The following PTPN12 variants were observed in gnomAD, a reference collection of about 807,000 sequenced individuals.
PTPN12 encodes protein tyrosine phosphatase non-receptor type 12.
Under a neutral mutation model 97.6 loss-of-function variants are expected in PTPN12, and 29 were observed. That is an observed-to-expected ratio of 0.30 (90% CI 0.22 to 0.41). PTPN12 has a LOEUF of 0.41. PTPN12 is among the 10% of genes least tolerant of loss of function. The pLI, the probability that PTPN12 is intolerant of heterozygous loss-of-function variation, is 1.00. For synonymous variants in PTPN12, 327 were observed against 300.4 expected (o/e 1.09, Z -0.91); for missense variants, 819 against 926.0 (o/e 0.88, Z 1.50).
At chr7:77,616,194 A>G (rs916458979) in intron 11 of PTPN12, among the ~76,000 whole-genome samples, 1 of 152,154 alleles carries the variant, frequency 6.6e-6, no homozygotes, top group Non-Finnish European at 1.5e-5. Context: ...TTTTTTGTCA[A>G]AATCTTACCA....
chr7:77,603,443 G>A (rs1189312948), intron 8 of PTPN12, among the ~76,000 whole-genome samples: 2 of 152,148 alleles, frequency 1.3e-5, no homozygotes, highest in East Asian at 3.8e-4. Context: ...GTTAAAACTC[G>A]AGAATGTGTC....
At chr7:77,625,361 C>T (rs1280487206) in intron 12 of PTPN12, among the ~76,000 whole-genome samples, 1 of 150,804 alleles carries the variant, frequency 6.6e-6, no homozygotes, top group East Asian at 2.0e-4. Context: ...AGGTGATCCT[C>T]CTACCTCAGC....
intron 1 of PTPN12, among the ~76,000 whole-genome samples, chr7:77,547,173 C>T (rs1459783301): frequency 6.6e-6 from 1 of 152,220 alleles, no homozygotes; most frequent in East Asian, 1.9e-4. Flanking sequence ...TCCATGGTCT[C>T]TATCATTTAT....
chr7:77,627,868 C>T (rs1385497363), intron 13 of PTPN12, among the ~76,000 whole-genome samples, 193 bp downstream of exon 13: 3 of 152,072 alleles, frequency 2.0e-5, no homozygotes. Flanking sequence ...CATTATATTA[C>T]TGGGTTTTGT....
chr7:77,637,000 TA>T lies in PTPN12; in HGVS notation c.2143-15del. On this transcript the variant is annotated splice_polypyrimidine_tract_variant and intron_variant, in intron 15 of 17. Coordinates refer to ENST00000248594, the MANE Select transcript of PTPN12 (RefSeq NM_002835.4). ...AAAATGAATGTATTGTAATAGGTAT[TA>T]AATGTCTTCCTCGTAGGGCTTGATA... 1 of 1,596,562 alleles carries T rather than the reference TA, an allele frequency of 6.3e-7. No homozygotes were observed. The highest frequency in any genetic ancestry group is 2.2e-5 in the East Asian group (1 of 44,588).
intron 2 of PTPN12, among the ~76,000 whole-genome samples, chr7:77,576,089 C>T (rs1446263363): frequency 2.0e-5 from 3 of 152,136 alleles, no homozygotes; most frequent in African/African-American, 4.8e-5. Context: ...CTCCTGACCT[C>T]GTGATCCGCC....
In PTPN12 at chr7:77,573,663, T is replaced by C; in HGVS notation, c.208+2477T>C. On this transcript the variant is annotated intron_variant, in intron 2 of 17. Coordinates refer to ENST00000248594, the MANE Select transcript of PTPN12 (RefSeq NM_002835.4). ...AAGATAATTTTAAGGTGATCCTACA[T>C]TGCTCTGGAATTATTCATGCACACA... 1.3e-5 allele frequency among the ~76,000 whole-genome samples: 2 copies of C among 152,212 alleles called. 1 individual carries two copies. Among genetic ancestry groups the C allele is most frequent in the African/African-American group, 4.8e-5 (2 of 41,446 alleles).
intron 2 of PTPN12, among the ~76,000 whole-genome samples, chr7:77,577,510 C>T (rs1000804589): frequency 2.0e-5 from 3 of 152,038 alleles, no homozygotes; most frequent in Non-Finnish European, 4.4e-5. Context: ...TGTCACACCT[C>T]TGAAGACTGC....
At chr7:77,562,829 T>G (rs902439532) in intron 1 of PTPN12, among the ~76,000 whole-genome samples, 7 of 152,166 alleles carry the variant, frequency 4.6e-5, no homozygotes, top group Admixed American at 1.3e-4. Flanking sequence ...TCAAGTGGTA[T>G]TCTACTTTTA....
At chr7:77,599,251 C>A (rs1052443898) in intron 7 of PTPN12, among the ~76,000 whole-genome samples, 2 of 150,928 alleles carry the variant, frequency 1.3e-5, no homozygotes, top group South Asian at 2.1e-4. Context: ...AGAAAAGTCA[C>A]TATCAAAGCT....
At chr7:77,558,285 A>G (rs1321800012) in intron 1 of PTPN12, among the ~76,000 whole-genome samples, 2 of 152,092 alleles carry the variant, frequency 1.3e-5, no homozygotes, top group African/African-American at 4.8e-5. Flanking sequence ...TAGTGTTTCT[A>G]GGTCCATTAA....
At position 77,618,580 on chromosome 7, in the gene PTPN12, C is replaced by T. The variant is rs369787091; in HGVS notation, c.1025+15C>T. 26 of 1,537,078 alleles carry T rather than the reference C, an allele frequency of 1.7e-5. No individual in the cohort carries two copies. Among genetic ancestry groups the T allele is most frequent in the African/African-American group, 5.5e-5 (4 of 72,786 alleles). ...AGGACCCGCAGGTATTGTATGTCTT[C>T]GAACATTTTCTTTAAAAGCATACTT... On this transcript the variant is annotated intron_variant, in intron 12 of 17. Transcript: ENST00000248594.
chr7:77,552,426 A>G (rs1013260054), intron 1 of PTPN12, among the ~76,000 whole-genome samples: 1 of 152,084 alleles, frequency 6.6e-6, no homozygotes, highest in Admixed American at 6.5e-5. Context: ...TCTCAGCATC[A>G]TATGTATGAT....
At chr7:77,616,805 C>T (rs559530547) in intron 11 of PTPN12, among the ~76,000 whole-genome samples, 5 of 151,576 alleles carry the variant, frequency 3.3e-5, no homozygotes, top group South Asian at 4.2e-4. Context: ...TTTTTTGAGA[C>T]GGAGTCTTGC....
rs989743858 is a variant in PTPN12 at position 77,603,171 on chromosome 7, TA to T, written c.695+2370del. Among the ~76,000 whole-genome samples the T allele has an allele frequency of 3.2e-4, 48 of 152,148 alleles. 1 individual carries two copies. The highest frequency in any genetic ancestry group is 1.2e-4 in the Non-Finnish European group (8 of 68,028). Reference sequence around the variant, plus strand: ...ATTTAATTAAGTAGGATTGACCAGTTAAAAATAAACAATATGTTTAATTATA... The same window carrying T: ...ATTTAATTAAGTAGGATTGACCAGTTAAAATAAACAATATGTTTAATTATA... On this transcript the variant is annotated intron_variant, in intron 8 of 17. Coordinates refer to ENST00000248594, the MANE Select transcript of PTPN12 (RefSeq NM_002835.4).
At chr7:77,628,378 A>T (rs1789277185) in intron 13 of PTPN12, among the ~76,000 whole-genome samples, 1 of 152,184 alleles carries the variant, frequency 6.6e-6, no homozygotes, top group African/African-American at 2.4e-5. Flanking sequence ...TGATCTGCTG[A>T]AAGTAATGAT....
chr7:77,633,833 G>A (rs1789489467), intron 14 of PTPN12, among the ~76,000 whole-genome samples: 1 of 151,786 alleles, frequency 6.6e-6, no homozygotes, highest in African/African-American at 2.4e-5. Flanking sequence ...GACCAGCCTG[G>A]GCAACACAGT....
At chr7:77,598,712 T>A (rs1474466776) in intron 7 of PTPN12, among the ~76,000 whole-genome samples, 1 of 151,848 alleles carries the variant, frequency 6.6e-6, no homozygotes, top group African/African-American at 2.4e-5. Context: ...AAAATAAATG[T>A]TTTAAAAATA....
At chr7:77,558,619 G>A (rs1807839095) in intron 1 of PTPN12, among the ~76,000 whole-genome samples, 1 of 152,098 alleles carries the variant, frequency 6.6e-6, no homozygotes, top group African/African-American at 2.4e-5. Flanking sequence ...TCCTTAGAAA[G>A]GCCTGCTTAC....
Sources: allele counts gnomAD v4.1 joint callset (sites outside exome capture counted in the v4.1 genomes callset), GRCh38; gene constraint gnomAD v4.1.1; transcripts MANE v1.5; gene names NCBI Gene and HGNC (gene_info 2026-07-23, HGNC 2026-07-21).